The following CCSER1 variants were observed in gnomAD, a reference collection of about 807,000 sequenced individuals.
The protein encoded by CCSER1 is serine-rich coiled-coil domain-containing protein 1.
In CCSER1, 41 loss-of-function variants were observed where a neutral mutation model predicts 82.0. The observed-to-expected ratio is 0.50, with a 90% CI of 0.39 to 0.65. The LOEUF (loss-of-function observed/expected upper bound fraction) is 0.65, where lower values mean the gene tolerates loss of function less well. CCSER1 is among the 30% of genes least tolerant of loss of function. The pLI, the probability that CCSER1 is intolerant of heterozygous loss-of-function variation, is 0.00. For missense variants in CCSER1, 1,119 were observed against 1,064.2 expected, an observed-to-expected ratio of 1.05 and a Z score of -0.72; for synonymous variants, 414 against 383.9, an observed-to-expected ratio of 1.08 and a Z score of -0.92.
At chr4:90,385,454 G>A (rs1382509876) in intron 3 of CCSER1, among the ~76,000 whole-genome samples, 5 of 126,840 alleles carry the variant, frequency 3.9e-5, no homozygotes, top group South Asian at 2.9e-4. Context: ...ATGGTGTCTC[G>A]GTGTAGTTTT....
At chr4:90,459,291 G>C (rs1762579687) in intron 4 of CCSER1, among the ~76,000 whole-genome samples, 1 of 152,202 alleles carries the variant, frequency 6.6e-6, no homozygotes, top group Non-Finnish European at 1.5e-5. Flanking sequence ...TTTGGAATGG[G>C]AGAGGATAGG....
At chr4:91,279,452 A>T (rs999979024) in intron 10 of CCSER1, among the ~76,000 whole-genome samples, 4 of 150,892 alleles carry the variant, frequency 2.7e-5, no homozygotes, top group Non-Finnish European at 4.4e-5. Context: ...TTTTTCCTTT[A>T]TCTTTGTCTG....
intron 5 of CCSER1, among the ~76,000 whole-genome samples, chr4:90,470,843 G>A (rs2153590286): frequency 6.6e-6 from 1 of 150,898 alleles, no homozygotes; most frequent in East Asian, 1.9e-4. Flanking sequence ...GTTTGACATG[G>A]CAATTCTGAA....
At chr4:91,382,401 CA>C (rs1488116508) in intron 10 of CCSER1, among the ~76,000 whole-genome samples, 1 of 152,310 alleles carries the variant, frequency 6.6e-6, no homozygotes, top group East Asian at 1.9e-4. Context: ...CAAGCCTCAG[CA>C]ATGGCGGGCA....
rs17018035 is a variant in CCSER1 at position 91,117,182 on chromosome 4, T to C, written c.2217+31188T>C. ...ATAGCATTCATTACAGCAACATCCA[T>C]TTATATATGTAAACCTTGGTTCCAT... On this transcript the variant is annotated intron_variant, in intron 10 of 10. Coordinates refer to ENST00000509176, the MANE Select transcript of CCSER1 (RefSeq NM_001145065.2). Among the ~76,000 whole-genome samples the C allele has an allele frequency of 1.4e-4, 21 of 152,322 alleles. No homozygotes were observed. The East Asian group carries it at 3.3e-3, about 24-fold the overall frequency.
rs573267435 is a variant in CCSER1, at chr4:91,295,815, T to A, written c.2217+209821T>A. ...CGCATCATACCATGAATCAGCCTCCTGTGTTTTTATGTATGTCTCAGTAAT... is the reference window on the plus strand; with the variant it reads ...CGCATCATACCATGAATCAGCCTCCAGTGTTTTTATGTATGTCTCAGTAAT... On this transcript the variant is annotated intron_variant, in intron 10 of 10. Transcript: ENST00000509176. Among the ~76,000 whole-genome samples the A allele has an allele frequency of 6.2e-4, 95 of 152,062 alleles. 1 individual carries two copies. Among genetic ancestry groups the A allele is most frequent in the African/African-American group, 2.1e-3 (89 of 41,554 alleles).
chr4:90,566,637 C>T (rs1411803763), intron 5 of CCSER1, among the ~76,000 whole-genome samples: 2 of 147,328 alleles, frequency 1.4e-5, no homozygotes, highest in Non-Finnish European at 3.0e-5. Context: ...GAGTCTCGCT[C>T]TGTCGCCCAG....
intron 6 of CCSER1, among the ~76,000 whole-genome samples, chr4:90,710,526 A>G (rs981045746): frequency 4.6e-5 from 7 of 151,830 alleles, no homozygotes; most frequent in Non-Finnish European, 8.8e-5. Flanking sequence ...AGGAAGAGGT[A>G]CAGTTTCAAT....
intron 10 of CCSER1, among the ~76,000 whole-genome samples, chr4:91,182,134 G>T (rs939051966): frequency 2.0e-5 from 3 of 152,164 alleles, no homozygotes; most frequent in African/African-American, 4.8e-5. Context: ...GCTCATGACA[G>T]TTGGGGTCCT....
At chr4:91,382,894 A>G (rs944193747) in intron 10 of CCSER1, among the ~76,000 whole-genome samples, 1 of 152,074 alleles carries the variant, frequency 6.6e-6, no homozygotes, top group African/African-American at 2.4e-5. Flanking sequence ...CACCCAAACT[A>G]GCAGCAACCA....
At chr4:91,092,615 C>G (rs547748406) in intron 10 of CCSER1, among the ~76,000 whole-genome samples, 1 of 152,304 alleles carries the variant, frequency 6.6e-6, no homozygotes, top group Admixed American at 6.5e-5. Context: ...TTTCAAGTGA[C>G]TCCTGGCCTA....
chr4:90,396,073 T>A (rs994921423), intron 3 of CCSER1, among the ~76,000 whole-genome samples: 1 of 152,018 alleles, frequency 6.6e-6, no homozygotes, highest in African/African-American at 2.4e-5. Context: ...AGAGAAAGAC[T>A]CCATCTCGAA....
intron 4 of CCSER1, among the ~76,000 whole-genome samples, chr4:90,441,052 ATTAG>A (rs1361488632): frequency 6.6e-6 from 1 of 152,224 alleles, no homozygotes; most frequent in Non-Finnish European, 1.5e-5. Context: ...CATAAAGGCC[ATTAG>A]TTAGATTTAA....
At chr4:90,921,495 T>C (rs1728375037) in intron 8 of CCSER1, among the ~76,000 whole-genome samples, 1 of 152,018 alleles carries the variant, frequency 6.6e-6, no homozygotes, top group South Asian at 2.1e-4. Flanking sequence ...AAGATAACTG[T>C]TCCTTATTTA....
At chr4:90,819,017 A>G (rs570728372) in intron 8 of CCSER1, among the ~76,000 whole-genome samples, 18 of 152,262 alleles carry the variant, frequency 1.2e-4, no homozygotes, top group African/African-American at 4.3e-4. Context: ...ACTAAAGTCT[A>G]TTTGTCAGAT....
chr4:90,292,329 A>G (rs1731082495), intron 1 of CCSER1, among the ~76,000 whole-genome samples: 1 of 151,964 alleles, frequency 6.6e-6, no homozygotes, highest in Non-Finnish European at 1.5e-5. Flanking sequence ...GTGTATGTAT[A>G]TTTGTATGTG....
At chr4:90,984,763 G>A (rs1256915428) in intron 9 of CCSER1, among the ~76,000 whole-genome samples, 1 of 151,672 alleles carries the variant, frequency 6.6e-6, no homozygotes, top group Non-Finnish European at 1.5e-5. Flanking sequence ...TATATCCATT[G>A]CATCTCTTTT....
At chr4:90,669,135 T>G (rs1732332059) in intron 6 of CCSER1, among the ~76,000 whole-genome samples, 2 of 152,112 alleles carry the variant, frequency 1.3e-5, no homozygotes, top group African/African-American at 2.4e-5. Context: ...CAATAATGAA[T>G]ATTTTAGAAA....
chr4:90,216,029 A>C (rs1191183235), intron 1 of CCSER1, among the ~76,000 whole-genome samples: 1 of 152,162 alleles, frequency 6.6e-6, no homozygotes, highest in Non-Finnish European at 1.5e-5. Flanking sequence ...CTGATGGATA[A>C]AATTTGTCAC....
Sources: allele counts gnomAD v4.1 joint callset (sites outside exome capture counted in the v4.1 genomes callset), GRCh38; gene constraint gnomAD v4.1.1; transcripts MANE v1.5; gene names NCBI Gene and HGNC (gene_info 2026-07-23, HGNC 2026-07-21).